Variants in SKAP2 observed in about 807,000 individuals in gnomAD.
SKAP2 encodes src kinase-associated phosphoprotein 2.
SKAP2 carries 28 observed loss-of-function variants against 54.9 expected under a neutral mutation model. That is an observed-to-expected ratio of 0.51 (90% CI 0.38 to 0.70). SKAP2 has a LOEUF of 0.70. SKAP2 is among the 30% of genes least tolerant of loss of function. The probability of loss-of-function intolerance (pLI) is 0.00; values close to 1 mark genes in which losing one functional copy is unlikely to be tolerated. For synonymous variants in SKAP2, 137 were observed against 134.3 expected, an observed-to-expected ratio of 1.02 and a Z score of -0.14; for missense variants, 356 against 424.1, an observed-to-expected ratio of 0.84 and a Z score of 1.41.
At chr7:26,678,164 A>C (rs927277543) in intron 11 of SKAP2, among the ~76,000 whole-genome samples, 3 of 152,190 alleles carry the variant, frequency 2.0e-5, no homozygotes, top group Non-Finnish European at 4.4e-5. Context: ...TTATTATATT[A>C]ATTATATGTG....
Position 26,691,462 on chromosome 7 carries a change from G to T in SKAP2, c.797-1100C>A, listed in dbSNP as rs557463551. On this transcript the variant is annotated intron_variant, in intron 9 of 12. Coordinates refer to ENST00000345317, the MANE Select transcript of SKAP2 (RefSeq NM_003930.5). ...CTCCTAAAACTTTAAAGAAAAATAT[G>T]CAAAATATATAAATGTAGTCATTGT... is the stretch of plus-strand genomic sequence containing the variant. 3.3e-5 allele frequency among the ~76,000 whole-genome samples: 5 copies of T among 152,258 alleles called. No individual in the cohort carries two copies. The South Asian group carries it at 8.3e-4, about 25-fold the overall frequency.
chr7:26,813,789 A>G (rs1301426907), intron 4 of SKAP2, among the ~76,000 whole-genome samples: 1 of 152,220 alleles, frequency 6.6e-6, no homozygotes, highest in Admixed American at 6.5e-5. Flanking sequence ...TTGATCAAAC[A>G]GGGTAATGAG....
intron 11 of SKAP2, among the ~76,000 whole-genome samples, chr7:26,676,322 G>C (rs1292105062): frequency 1.3e-5 from 2 of 152,144 alleles, no homozygotes; most frequent in African/African-American, 4.8e-5. Context: ...GCCAGTGCTG[G>C]GAAAAGCCAA....
chr7:26,699,758 T>A (rs1172358094), intron 9 of SKAP2, among the ~76,000 whole-genome samples: 2 of 152,194 alleles, frequency 1.3e-5, no homozygotes, highest in African/African-American at 2.4e-5. Context: ...TAAGAATGGC[T>A]ACCCTGTACT....
At chr7:26,685,235 G>A (rs1786605121) in intron 10 of SKAP2, among the ~76,000 whole-genome samples, 1 of 152,012 alleles carries the variant, frequency 6.6e-6, no homozygotes, top group Non-Finnish European at 1.5e-5. Flanking sequence ...CATGAGATGT[G>A]ACACACACTT....
At position 26,857,937 on chromosome 7, in the gene SKAP2, GT is replaced by G. The variant is rs1785207161; in HGVS notation, c.68-3048del. On this transcript the variant is annotated intron_variant, in intron 1 of 12. Transcript: ENST00000345317. Reference sequence around the variant, plus strand: ...TCTTCTACCTTCCTTTGAGGGTCGTGTTCCTCGGTTAATATGTAGATTTCAC... The same window carrying G: ...TCTTCTACCTTCCTTTGAGGGTCGTGTCCTCGGTTAATATGTAGATTTCAC... 4 of 154,460 alleles carry G rather than the reference GT, an allele frequency of 2.6e-5. No homozygotes were observed. The Admixed American group carries it at 2.6e-4, about 10-fold the overall frequency. 9.6% of individuals were successfully genotyped at this position (154,460 alleles called of 1,614,324 possible).
chr7:26,750,313 CTTTT>C (rs70946231), intron 4 of SKAP2, among the ~76,000 whole-genome samples: 1 of 134,972 alleles, frequency 7.4e-6, no homozygotes, highest in Non-Finnish European at 1.6e-5. Flanking sequence ...ATATACCATA[CTTTT>C]TTTTTTTTTT....
chr7:26,742,042 G>C (rs1450998558), intron 4 of SKAP2, among the ~76,000 whole-genome samples: 2 of 152,062 alleles, frequency 1.3e-5, no homozygotes, highest in Admixed American at 6.5e-5. Context: ...TATTTTAATA[G>C]CTGTTCAATA....
intron 4 of SKAP2, among the ~76,000 whole-genome samples, chr7:26,772,827 T>G (rs1292792362): frequency 6.6e-6 from 1 of 152,228 alleles, no homozygotes; most frequent in African/African-American, 2.4e-5. Flanking sequence ...AAATATCACT[T>G]TAGAGTTATA....
intron 6 of SKAP2, among the ~76,000 whole-genome samples, chr7:26,736,348 A>G (rs1584359381): frequency 6.6e-6 from 1 of 152,332 alleles, no homozygotes; most frequent in East Asian, 1.9e-4. Context: ...ATTATAACGC[A>G]TTAGCATGCT....
At chr7:26,722,988 A>G (rs1365470732) in intron 9 of SKAP2, among the ~76,000 whole-genome samples, 1 of 152,200 alleles carries the variant, frequency 6.6e-6, no homozygotes, top group Non-Finnish European at 1.5e-5. Context: ...GAATTTAGCC[A>G]GTCAGATATC....
intron 9 of SKAP2, among the ~76,000 whole-genome samples, chr7:26,698,083 C>G (rs1786934600): frequency 6.6e-6 from 1 of 152,164 alleles, no homozygotes; most frequent in Admixed American, 6.5e-5. Context: ...GGGTCTACAA[C>G]TGCCTACTAT....
intron 6 of SKAP2, among the ~76,000 whole-genome samples, chr7:26,730,867 G>T (rs77424884): frequency 5.9e-5 from 9 of 152,110 alleles, no homozygotes; most frequent in African/African-American, 1.9e-4. Flanking sequence ...TGTTCTGGGG[G>T]TTTTTTAAGC....
intron 4 of SKAP2, among the ~76,000 whole-genome samples, chr7:26,776,115 C>T (rs1217839598): frequency 6.6e-6 from 1 of 152,048 alleles, no homozygotes. Flanking sequence ...CCCTAAAACG[C>T]TCTTCTCCTT....
chr7:26,847,096 T>G (rs1430443532), intron 3 of SKAP2, among the ~76,000 whole-genome samples: 3 of 152,236 alleles, frequency 2.0e-5, no homozygotes, highest in Non-Finnish European at 2.9e-5. Flanking sequence ...AGTATTTTTT[T>G]TTTTAAATCA....
At chr7:26,700,283 T>C (rs1786993258) in intron 9 of SKAP2, among the ~76,000 whole-genome samples, 2 of 152,212 alleles carry the variant, frequency 1.3e-5, no homozygotes. Context: ...GTCCACCAAT[T>C]CCTGGAACTC....
intron 9 of SKAP2, among the ~76,000 whole-genome samples, chr7:26,720,164 G>A (rs1374125031): frequency 6.6e-6 from 1 of 151,952 alleles, no homozygotes; most frequent in Non-Finnish European, 1.5e-5. Context: ...ATCTTCCCTG[G>A]CTGGGAACCA....
At chr7:26,846,286 A>T (rs138053314) in intron 3 of SKAP2, among the ~76,000 whole-genome samples, 4,006 of 152,268 alleles carry the variant, frequency 0.026, 171 homozygotes, top group African/African-American at 0.091. Context: ...ACCAAATAAT[A>T]TATAGCAAAG....
the SKAP2 span, among the ~76,000 whole-genome samples, chr7:26,659,919 T>C: frequency 6.6e-6 from 1 of 152,218 alleles, no homozygotes; most frequent in East Asian, 1.9e-4. Flanking sequence ...TAAATGGTAA[T>C]CTGTTTTTGA....
Sources: gnomAD v4.1 joint callset for allele counts (sites outside exome capture counted in the v4.1 genomes callset) on GRCh38, gnomAD v4.1.1 for gene constraint, MANE v1.5 for transcripts, NCBI Gene and HGNC (gene_info 2026-07-23, HGNC 2026-07-21) for gene names.